LINGO2: variants seen among roughly 807,000 people sequenced by gnomAD.
LINGO2 encodes the protein leucine rich repeat and Ig domain containing 2.
In LINGO2, 14 loss-of-function variants were observed where a neutral mutation model predicts 30.6. The ratio of observed to expected loss-of-function variants is 0.46; its 90% confidence interval spans 0.30 to 0.72. The LOEUF (loss-of-function observed/expected upper bound fraction) is 0.72, where lower values mean the gene tolerates loss of function less well. Ranked by LOEUF, LINGO2 falls within the 30% of genes least tolerant of loss-of-function variation. The pLI is 0.07. For synonymous variants in LINGO2, 317 were observed against 288.5 expected, an observed-to-expected ratio of 1.10 and a Z score of -1.00; for missense variants, 729 against 751.7, an observed-to-expected ratio of 0.97 and a Z score of 0.35.
At chr9:28,663,456 C>A (rs879777138) in intron 1 of LINGO2, among the ~76,000 whole-genome samples, 1 of 152,148 alleles carries the variant, frequency 6.6e-6, no homozygotes, top group African/African-American at 2.4e-5. Context: ...CAGGCGTGAG[C>A]CACCGCATCC....
At chr9:28,259,638 G>T (rs1587343414) in intron 4 of LINGO2, among the ~76,000 whole-genome samples, 2 of 151,962 alleles carry the variant, frequency 1.3e-5, no homozygotes, top group East Asian at 3.9e-4. Context: ...AAAGGAAACA[G>T]AGAAGGAGCA....
chr9:27,942,608 AT>A, the LINGO2 span: 2 of 152,096 alleles, frequency 1.3e-5, no homozygotes, highest in South Asian at 4.1e-4. Flanking sequence ...ACTTTCAGGC[AT>A]TTTTTACGAA....
At chr9:28,497,893 G>T (rs1300163038) in intron 1 of LINGO2, among the ~76,000 whole-genome samples, 1 of 152,212 alleles carries the variant, frequency 6.6e-6, no homozygotes, top group South Asian at 2.1e-4. Context: ...ACCCTCAGCT[G>T]CAGGTCTGCT....
the LINGO2 span, among the ~76,000 whole-genome samples, chr9:28,847,145 A>G: frequency 6.7e-6 from 1 of 148,344 alleles, no homozygotes; most frequent in South Asian, 2.2e-4. Context: ...CTGTTGAGCA[A>G]TGATGCAAAT....
chr9:28,905,278 C>A, the LINGO2 span, among the ~76,000 whole-genome samples: 36 of 130,968 alleles, frequency 2.7e-4, no homozygotes, highest in South Asian at 9.7e-4. Context: ...ACAACAAAAG[C>A]AAAAAAAAAA....
At chr9:28,844,119 T>G in the LINGO2 span, among the ~76,000 whole-genome samples, 1 of 151,754 alleles carries the variant, frequency 6.6e-6, no homozygotes, top group Non-Finnish European at 1.5e-5. Context: ...CTCAGCACTT[T>G]GGGAGGCTGA....
chr9:28,333,319 A>T (rs947615461), intron 3 of LINGO2, among the ~76,000 whole-genome samples: 21 of 152,204 alleles, frequency 1.4e-4, no homozygotes, highest in Admixed American at 7.2e-4. Flanking sequence ...AAAGAAAGAG[A>T]CCTTTCAGTG....
the LINGO2 span, among the ~76,000 whole-genome samples, chr9:29,062,787 T>C: frequency 6.6e-6 from 1 of 152,170 alleles, no homozygotes; most frequent in South Asian, 2.1e-4. Flanking sequence ...AAGTACCTTA[T>C]CAAGATTATA....
chr9:28,148,925 C>T lies in LINGO2; in HGVS notation c.-86-136520G>A, dbSNP rs1827897846. ...AGCTCTTGGGTCAAGTAGGTCTTCT[C>T]CACACAGAGCTGCCGGCCACAGTTC... is the stretch of plus-strand genomic sequence containing the variant. On this transcript the variant is annotated intron_variant, in intron 4 of 5. Coordinates refer to ENST00000379992, the Ensembl canonical transcript of LINGO2. The surrounding 1 kb of genome is among the most constrained non-coding windows in gnomAD (Gnocchi z 5.1). The T allele has an allele frequency of 3.3e-6, 5 of 1,533,792 alleles. No homozygotes were observed. In the South Asian group the frequency reaches 4.8e-5, roughly 15 times the overall value.
intron 4 of LINGO2, among the ~76,000 whole-genome samples, chr9:28,261,994 A>T (rs1222034686): frequency 6.6e-6 from 1 of 151,996 alleles, no homozygotes; most frequent in Non-Finnish European, 1.5e-5. Flanking sequence ...AGATTTTAAA[A>T]AGACAGTTTG....
At chr9:28,855,196 A>C in the LINGO2 span, among the ~76,000 whole-genome samples, 1 of 151,934 alleles carries the variant, frequency 6.6e-6, no homozygotes. Flanking sequence ...CCTAGTGCAG[A>C]CTATTTGCGA....
intron 4 of LINGO2, among the ~76,000 whole-genome samples, chr9:28,059,269 A>C (rs1209812649): frequency 6.6e-6 from 1 of 151,990 alleles, no homozygotes; most frequent in Non-Finnish European, 1.5e-5. Flanking sequence ...CCACATTCTC[A>C]CCACCTGTTT....
At chr9:28,202,682 T>A (rs549531870) in intron 4 of LINGO2, among the ~76,000 whole-genome samples, 1 of 152,170 alleles carries the variant, frequency 6.6e-6, no homozygotes, top group Non-Finnish European at 1.5e-5. Flanking sequence ...TGTGACTTTG[T>A]TAACATATCA....
chr9:28,010,675 A>T (rs1052138730), intron 5 of LINGO2, among the ~76,000 whole-genome samples: 1 of 152,242 alleles, frequency 6.6e-6, no homozygotes, highest in African/African-American at 2.4e-5. Context: ...AAGGCTGGAC[A>T]CAGTGGCTGG....
At chr9:28,698,430 T>G in the LINGO2 span, among the ~76,000 whole-genome samples, 1 of 152,058 alleles carries the variant, frequency 6.6e-6, no homozygotes, top group Non-Finnish European at 1.5e-5. Context: ...TTCAGACTAT[T>G]CTTCATTCAG....
chr9:28,616,084 G>A (rs1290416967), intron 1 of LINGO2, among the ~76,000 whole-genome samples: 1 of 151,944 alleles, frequency 6.6e-6, no homozygotes, highest in Non-Finnish European at 1.5e-5. Context: ...ATTAATACAT[G>A]GTATGTTCAA....
At chr9:27,965,254 G>A (rs570585065) in intron 5 of LINGO2, among the ~76,000 whole-genome samples, 1 of 151,832 alleles carries the variant, frequency 6.6e-6, no homozygotes, top group African/African-American at 2.4e-5. Flanking sequence ...TTTCTATCCA[G>A]GATTTTTTGA....
chr9:28,704,597 A>G, the LINGO2 span, among the ~76,000 whole-genome samples: 2 of 151,308 alleles, frequency 1.3e-5, no homozygotes, highest in South Asian at 2.1e-4. Flanking sequence ...TTTTTTTTTC[A>G]GTCTTTCAGT....
chr9:28,240,815 C>G lies in LINGO2; in HGVS notation c.-87+54393G>C, dbSNP rs186510003. ...ATGGGATCACATCAAGTTTAAAAAG[C>G]TGAAGTTTATAAAAACTTAAGTTTT... On this transcript the variant is annotated intron_variant, in intron 4 of 5. Coordinates refer to ENST00000379992, the Ensembl canonical transcript of LINGO2. Among the ~76,000 whole-genome samples, 550 of 152,088 alleles carry G rather than the reference C, an allele frequency of 3.6e-3. 1 individual carries two copies. The highest frequency in any genetic ancestry group is 9.4e-3 in the Admixed American group (143 of 15,264).
Sources: allele counts gnomAD v4.1 joint callset (sites outside exome capture counted in the v4.1 genomes callset), GRCh38; gene constraint gnomAD v4.1.1; non-coding constraint Gnocchi (gnomAD v3.1); transcripts MANE v1.5; gene names NCBI Gene and HGNC (gene_info 2026-07-23, HGNC 2026-07-21).